Variants in FHOD3 observed in about 807,000 individuals in gnomAD.
The protein encoded by FHOD3 is FH1/FH2 domain-containing protein 3.
In FHOD3, 90 loss-of-function variants were observed where a neutral mutation model predicts 173.0. That is an observed-to-expected ratio of 0.52 (90% CI 0.44 to 0.62). The LOEUF (loss-of-function observed/expected upper bound fraction) is 0.62. Ranked by LOEUF, FHOD3 falls within the 20% of genes least tolerant of loss-of-function variation. FHOD3 has a pLI of 0.00. For synonymous variants in FHOD3, 828 were observed against 823.0 expected (o/e 1.01, Z -0.10); for missense variants, 1,945 against 2,034.7 (o/e 0.96, Z 0.85).
chr18:36,379,263 C>T (rs1197100344), intron 3 of FHOD3, among the ~76,000 whole-genome samples: 1 of 152,144 alleles, frequency 6.6e-6, no homozygotes, highest in Non-Finnish European at 1.5e-5. Flanking sequence ...TATGAAGCAC[C>T]AAGAGAGGGA....
intron 10 of FHOD3, among the ~76,000 whole-genome samples, chr18:36,646,825 A>T (rs2035715599): frequency 6.6e-6 from 1 of 152,240 alleles, no homozygotes; most frequent in African/African-American, 2.4e-5. Context: ...ATCAAAGGTA[A>T]ACAGGACATT....
chr18:36,743,816 A>G (rs1236655912), intron 22 of FHOD3, among the ~76,000 whole-genome samples: 1 of 152,192 alleles, frequency 6.6e-6, no homozygotes, highest in Non-Finnish European at 1.5e-5. Context: ...GACATGGCTC[A>G]TGGCTGTGGT....
chr18:36,665,582 G>T (rs11659882), intron 14 of FHOD3, among the ~76,000 whole-genome samples: 18,294 of 151,474 alleles, frequency 0.12, 1,402 homozygotes, highest in Non-Finnish European at 0.17. Flanking sequence ...TTGGCCTGGT[G>T]GGGGGGCAGG....
intron 1 of FHOD3, among the ~76,000 whole-genome samples, chr18:36,343,089 C>A (rs4384665): frequency 0.052 from 7,957 of 152,240 alleles, 424 homozygotes; most frequent in African/African-American, 0.13. Context: ...AATGATACAG[C>A]CACTTTGGAA....
At chr18:36,354,828 T>G (rs1260459893) in intron 1 of FHOD3, among the ~76,000 whole-genome samples, 1 of 150,768 alleles carries the variant, frequency 6.6e-6, no homozygotes, top group Non-Finnish European at 1.5e-5. Flanking sequence ...AATAAAAATT[T>G]TTAAAAATGA....
At chr18:36,455,073 C>T (rs1285920441) in intron 3 of FHOD3, among the ~76,000 whole-genome samples, 1 of 152,190 alleles carries the variant, frequency 6.6e-6, no homozygotes, top group Non-Finnish European at 1.5e-5. Context: ...ACAAAGAAAG[C>T]TGGAGAGGAA....
intron 3 of FHOD3, among the ~76,000 whole-genome samples, chr18:36,412,539 G>A (rs2049408584): frequency 6.6e-6 from 1 of 152,178 alleles, no homozygotes; most frequent in African/African-American, 2.4e-5. Flanking sequence ...GTCTTGGAAA[G>A]ATATTATGCG....
chr18:36,379,568 A>G (rs533593638), intron 3 of FHOD3, among the ~76,000 whole-genome samples: 1 of 152,338 alleles, frequency 6.6e-6, no homozygotes, highest in South Asian at 2.1e-4. Context: ...AAAACTGATA[A>G]TGGAGAATGA....
chr18:36,725,914 G>C (rs548302027), intron 19 of FHOD3, among the ~76,000 whole-genome samples: 27 of 152,012 alleles, frequency 1.8e-4, no homozygotes, highest in Admixed American at 7.9e-4. Flanking sequence ...ACTATTCTAG[G>C]GCCAGTGCTA....
chr18:36,617,877 T>G (rs1287763123), intron 9 of FHOD3, among the ~76,000 whole-genome samples: 2 of 152,182 alleles, frequency 1.3e-5, no homozygotes, highest in African/African-American at 4.8e-5. Context: ...AACTTCCTAT[T>G]GTTACAGGAT....
At chr18:36,763,050 CACGTTATATATAATATGCGTATTAT>C (rs2042960590) in intron 27 of FHOD3, among the ~76,000 whole-genome samples, 5 of 130,188 alleles carry the variant, frequency 3.8e-5, no homozygotes, top group Non-Finnish European at 6.9e-5. Flanking sequence ...GCGTATTATA[CACGTTATATATAATATGCGTATTAT>C]ACACGTTATA....
chr18:36,488,451 G>A (rs916106479), intron 3 of FHOD3, among the ~76,000 whole-genome samples: 2 of 152,172 alleles, frequency 1.3e-5, no homozygotes, highest in African/African-American at 4.8e-5. Flanking sequence ...TGAGCTCAGG[G>A]GACCGTCTCA....
chr18:36,621,139 A>G (rs2033673282), intron 9 of FHOD3, among the ~76,000 whole-genome samples: 1 of 152,226 alleles, frequency 6.6e-6, no homozygotes, highest in Non-Finnish European at 1.5e-5. Flanking sequence ...ACATAAATTG[A>G]CAGAAAAGAA....
intron 3 of FHOD3, among the ~76,000 whole-genome samples, chr18:36,491,661 T>G (rs551977469): frequency 6.7e-6 from 1 of 150,076 alleles, no homozygotes; most frequent in Admixed American, 6.6e-5. Context: ...GAGTTCACTA[T>G]GTATGTGTAG....
At chr18:36,335,707 A>C (rs1334926936) in intron 1 of FHOD3, among the ~76,000 whole-genome samples, 5 of 152,058 alleles carry the variant, frequency 3.3e-5, no homozygotes, top group African/African-American at 7.2e-5. Flanking sequence ...TGCCTGGAGG[A>C]AGTGTCCAGC....
intron 3 of FHOD3, among the ~76,000 whole-genome samples, chr18:36,416,668 G>C (rs767693380): frequency 6.6e-5 from 10 of 152,180 alleles, no homozygotes; most frequent in Non-Finnish European, 1.5e-4. Context: ...TGGCACCTCT[G>C]TGTTGGACTT....
At chr18:36,576,142 G>A (rs923289849) in intron 5 of FHOD3, among the ~76,000 whole-genome samples, 1 of 152,142 alleles carries the variant, frequency 6.6e-6, no homozygotes, top group Non-Finnish European at 1.5e-5. Flanking sequence ...TCCTGTCTGG[G>A]ACTACACACA....
intron 1 of FHOD3, among the ~76,000 whole-genome samples, chr18:36,304,103 A>G (rs964445853): frequency 6.6e-6 from 1 of 152,222 alleles, no homozygotes; most frequent in Non-Finnish European, 1.5e-5. Context: ...TGTGGCTGTG[A>G]TTGAATGCTG....
intron 13 of FHOD3, among the ~76,000 whole-genome samples, chr18:36,654,199 A>G (rs576205772): frequency 5.3e-5 from 8 of 152,304 alleles, no homozygotes; most frequent in East Asian, 3.9e-4. Context: ...AAGCTGCACC[A>G]TGTTTTAAAT....
Sources: allele counts gnomAD v4.1 joint callset (sites outside exome capture counted in the v4.1 genomes callset), GRCh38; gene constraint gnomAD v4.1.1; transcripts MANE v1.5; gene names NCBI Gene and HGNC (gene_info 2026-07-23, HGNC 2026-07-21).